The following CFAP61 variants were observed in gnomAD, a reference collection of about 807,000 sequenced individuals.
CFAP61 encodes cilia- and flagella-associated protein 61.
Under a neutral mutation model 135.6 loss-of-function variants are expected in CFAP61, and 107 were observed. The observed-to-expected ratio is 0.79, with a 90% CI of 0.67 to 0.93. The LOEUF (loss-of-function observed/expected upper bound fraction) is 0.93, where lower values mean the gene tolerates loss of function less well. Ranked by LOEUF, CFAP61 falls within the 40% of genes least tolerant of loss-of-function variation. The probability of loss-of-function intolerance (pLI) is 0.00; values close to 1 mark genes in which losing one functional copy is unlikely to be tolerated. For synonymous variants in CFAP61, 575 were observed against 578.5 expected, an observed-to-expected ratio of 0.99 and a Z score of 0.09; for missense variants, 1,507 against 1,556.2, an observed-to-expected ratio of 0.97 and a Z score of 0.53.
At chr20:20,064,727 G>C (rs141729966) in intron 2 of CFAP61, among the ~76,000 whole-genome samples, 10 of 152,172 alleles carry the variant, frequency 6.6e-5, no homozygotes, top group African/African-American at 2.4e-4. Flanking sequence ...ACGGAGAAGT[G>C]GGGGGACTAC....
chr20:20,092,568 CTT>C, intron 7 of CFAP61, among the ~76,000 whole-genome samples: 1 of 152,264 alleles, frequency 6.6e-6, no homozygotes, highest in African/African-American at 2.4e-5. Context: ...ACCTGGGAGG[CTT>C]TTAACTATCC....
intron 21 of CFAP61, among the ~76,000 whole-genome samples, chr20:20,274,358 A>G (rs2053582116): frequency 6.6e-6 from 1 of 152,220 alleles, no homozygotes; most frequent in Non-Finnish European, 1.5e-5. Context: ...CAGAATGGAG[A>G]CATTTAAAGG....
At chr20:20,356,302 G>GGTGGTCACACTGAGGGGAA (rs1448610688) in intron 26 of CFAP61, among the ~76,000 whole-genome samples, 1 of 138,296 alleles carries the variant, frequency 7.2e-6, no homozygotes, top group Admixed American at 7.1e-5. Flanking sequence ...ACTGAGAGGA[G>GGTGGTCACACTGAGGGGAA]GTGGTCACAC....
intron 21 of CFAP61, among the ~76,000 whole-genome samples, chr20:20,270,680 C>A (rs1043024479): frequency 1.4e-5 from 2 of 145,982 alleles, no homozygotes; most frequent in African/African-American, 5.1e-5. Context: ...GTGCATTATT[C>A]TTTTTTTTTT....
chr20:20,154,756 T>C (rs1236544400), intron 9 of CFAP61, among the ~76,000 whole-genome samples: 1 of 152,136 alleles, frequency 6.6e-6, no homozygotes, highest in Non-Finnish European at 1.5e-5. Flanking sequence ...TACAAAATAC[T>C]GCTGAAAGAC....
chr20:20,319,722 G>A (rs1350652254), intron 25 of CFAP61, among the ~76,000 whole-genome samples: 2 of 152,190 alleles, frequency 1.3e-5, no homozygotes, highest in African/African-American at 4.8e-5. Context: ...TGCAAGAATG[G>A]ACTAATACAA....
intron 18 of CFAP61, among the ~76,000 whole-genome samples, chr20:20,234,678 C>CA (rs1220358994): frequency 6.6e-6 from 1 of 152,112 alleles, no homozygotes; most frequent in African/African-American, 2.4e-5. Flanking sequence ...GGGAAGCTGT[C>CA]AGAGGTGGGG....
chr20:20,168,251 T>TG (rs1300545768), intron 12 of CFAP61, among the ~76,000 whole-genome samples: 1 of 151,644 alleles, frequency 6.6e-6, no homozygotes, highest in Admixed American at 6.6e-5. Flanking sequence ...ATTGTAGAAA[T>TG]GGGGTCTTGT....
At chr20:20,129,155 T>C (rs2050309159) in intron 8 of CFAP61, among the ~76,000 whole-genome samples, 1 of 151,816 alleles carries the variant, frequency 6.6e-6, no homozygotes, top group Non-Finnish European at 1.5e-5. Context: ...TTTACCAGTA[T>C]GTTTTATACC....
chr20:20,285,832 G>T (rs1176015690), intron 22 of CFAP61, among the ~76,000 whole-genome samples: 5 of 151,110 alleles, frequency 3.3e-5, no homozygotes, highest in African/African-American at 4.9e-5. Context: ...GAGGCAGAAG[G>T]ATTCCTTGAA....
At chr20:20,263,782 A>G (rs1020029985) in intron 21 of CFAP61, among the ~76,000 whole-genome samples, 1 of 152,192 alleles carries the variant, frequency 6.6e-6, no homozygotes, top group African/African-American at 2.4e-5. Flanking sequence ...ATTGAAACCT[A>G]GGAGTCAAGG....
intron 25 of CFAP61, chr20:20,323,153 G>A (rs1199430339): frequency 1.0e-6 from 1 of 985,332 alleles, no homozygotes; most frequent in Non-Finnish European, 1.2e-6. Context: ...AGCTAGGCGA[G>A]GATTCTAGTT....
chr20:20,055,979 C>T, intron 1 of CFAP61: 2 of 1,610,526 alleles, frequency 1.2e-6, no homozygotes, highest in Non-Finnish European at 1.7e-6. Flanking sequence ...CCAAAGTGTC[C>T]TTCTGGAACG....
chr20:20,149,037 C>G (rs951850629), intron 9 of CFAP61, among the ~76,000 whole-genome samples: 1 of 152,150 alleles, frequency 6.6e-6, no homozygotes, highest in Non-Finnish European at 1.5e-5. Flanking sequence ...CTTCATTACT[C>G]ATGAAAAAAC....
At chr20:20,315,713 T>C (rs1474532402) in intron 25 of CFAP61, among the ~76,000 whole-genome samples, 1 of 152,230 alleles carries the variant, frequency 6.6e-6, no homozygotes, top group African/African-American at 2.4e-5. Flanking sequence ...TTAATGTTTG[T>C]ATAAGGTGTA....
intron 17 of CFAP61, among the ~76,000 whole-genome samples, chr20:20,211,458 A>G (rs986932459): frequency 7.2e-4 from 109 of 152,370 alleles, no homozygotes; most frequent in Non-Finnish European, 2.6e-4. Flanking sequence ...TGATCTCCAT[A>G]GTAACCAACT....
intron 26 of CFAP61, among the ~76,000 whole-genome samples, chr20:20,349,056 A>G (rs866059006): frequency 6.6e-6 from 1 of 152,254 alleles, no homozygotes. Flanking sequence ...AAGTGAAACT[A>G]TCTCCATTCT....
chr20:20,163,347 C>T (rs1441336930), intron 10 of CFAP61, among the ~76,000 whole-genome samples: 2 of 152,136 alleles, frequency 1.3e-5, no homozygotes, highest in Non-Finnish European at 2.9e-5. Flanking sequence ...TCCTGGGCTC[C>T]ACCTCCCCAC....
At position 20,160,313 on chromosome 20, in the gene CFAP61, T is replaced by G. The variant is rs150988438; in HGVS notation, c.1026+869T>G. Reference sequence around the variant, plus strand: ...GGAACATGGGGCTTGGTCATATCCATAGAGGCACTGGGACAGATTCACTGA... The same window carrying G: ...GGAACATGGGGCTTGGTCATATCCAGAGAGGCACTGGGACAGATTCACTGA... On this transcript the variant is annotated intron_variant, in intron 10 of 26. Transcript: ENST00000245957. 1.1e-4 allele frequency among the ~76,000 whole-genome samples: 17 copies of G among 152,240 alleles called. No homozygotes were observed. In the East Asian group the frequency reaches 3.3e-3, roughly 29 times the overall value.
Sources: gnomAD v4.1 joint callset for allele counts (sites outside exome capture counted in the v4.1 genomes callset) on GRCh38, gnomAD v4.1.1 for gene constraint, MANE v1.5 for transcripts, NCBI Gene and HGNC (gene_info 2026-07-23, HGNC 2026-07-21) for gene names.